The following HIBADH variants were observed in gnomAD, a reference collection of about 807,000 sequenced individuals.
The protein encoded by HIBADH is 3-hydroxyisobutyrate dehydrogenase, also known as 3-hydroxyisobutyrate dehydrogenase, mitochondrial.
In HIBADH, 25 loss-of-function variants were observed where a neutral mutation model predicts 36.1. That is an observed-to-expected ratio of 0.69 (90% CI 0.50 to 0.97). The LOEUF is 0.97. Ranked by LOEUF, HIBADH falls within the 50% of genes least tolerant of loss-of-function variation. The pLI, the probability that HIBADH is intolerant of heterozygous loss-of-function variation, is 0.00. For synonymous variants in HIBADH, 160 were observed against 149.5 expected (o/e 1.07, Z -0.51); for missense variants, 421 against 418.0 (o/e 1.01, Z -0.06).
intron 4 of HIBADH, among the ~76,000 whole-genome samples, chr7:27,554,352 T>C (rs1286138493): frequency 6.6e-6 from 1 of 152,234 alleles, no homozygotes; most frequent in Non-Finnish European, 1.5e-5. Context: ...ATTATGTCCT[T>C]CTATTTTACT....
rs141909684 is a variant in HIBADH at position 27,631,241 on chromosome 7, T to A, written c.362+1095A>T. ...AGGCTAGGTAACAGGACAGCTAGGA[T>A]GCCTCTGGACCACACACACTGTGGC... On this transcript the variant is annotated intron_variant, in intron 3 of 7. Transcript: ENST00000265395. Among the ~76,000 whole-genome samples, 6 of 152,344 alleles carry A rather than the reference T, an allele frequency of 3.9e-5. No homozygotes were observed. In the East Asian group the frequency reaches 1.2e-3, roughly 29 times the overall value.
chr7:27,567,440 C>T lies in HIBADH; in HGVS notation c.485-24340G>A, dbSNP rs149131413. 5.7e-3 allele frequency among the ~76,000 whole-genome samples: 872 copies of T among 152,126 alleles called. 5 individuals are homozygous for T. The highest frequency in any genetic ancestry group is 0.021 in the Middle Eastern group (6 of 292). On this transcript the variant is annotated intron_variant, in intron 4 of 7. Coordinates refer to ENST00000265395, the MANE Select transcript of HIBADH (RefSeq NM_152740.4). ...TTTTTTAAATCCAATCTGATAATAT[C>T]GTGCCTTTTAGTTGGTGTATTTAGG...
intron 4 of HIBADH, among the ~76,000 whole-genome samples, chr7:27,559,724 T>C (rs554297926): frequency 4.3e-4 from 66 of 152,308 alleles, no homozygotes; most frequent in Non-Finnish European, 8.2e-4. Flanking sequence ...GACAGGATTT[T>C]CTATTTCTGA....
chr7:27,549,410 C>A (rs573784894), intron 4 of HIBADH, among the ~76,000 whole-genome samples: 2 of 151,788 alleles, frequency 1.3e-5, no homozygotes, highest in Non-Finnish European at 2.9e-5. Flanking sequence ...AAAATGAAAT[C>A]GAATTTTCAA....
At chr7:27,654,114 CAGA>C (rs1470967971) in intron 1 of HIBADH, among the ~76,000 whole-genome samples, 1 of 151,640 alleles carries the variant, frequency 6.6e-6, no homozygotes, top group East Asian at 1.9e-4. Flanking sequence ...AAAATTATAC[CAGA>C]AGATTAACTG....
At chr7:27,570,668 A>T (rs1160475675) in intron 4 of HIBADH, among the ~76,000 whole-genome samples, 1 of 151,690 alleles carries the variant, frequency 6.6e-6, no homozygotes, top group Non-Finnish European at 1.5e-5. Flanking sequence ...CAAACAGGTA[A>T]ATTTTACTGT....
chr7:27,530,946 A>G (rs951027190), intron 7 of HIBADH, among the ~76,000 whole-genome samples: 5 of 151,946 alleles, frequency 3.3e-5, no homozygotes, highest in South Asian at 2.1e-4. Flanking sequence ...ACACACACAC[A>G]CGCACACACA....
chr7:27,563,567 G>T (rs528868596), intron 4 of HIBADH, among the ~76,000 whole-genome samples: 2 of 152,208 alleles, frequency 1.3e-5, no homozygotes. Flanking sequence ...TTAAACTGTT[G>T]TATTTTAAAA....
intron 4 of HIBADH, among the ~76,000 whole-genome samples, chr7:27,555,130 T>A (rs954634339): frequency 1.3e-5 from 2 of 152,014 alleles, no homozygotes; most frequent in Non-Finnish European, 2.9e-5. Context: ...AGTTTAAAAA[T>A]TATTTTATTT....
chr7:27,537,001 CA>C (rs1478343103), intron 6 of HIBADH, among the ~76,000 whole-genome samples: 1 of 152,130 alleles, frequency 6.6e-6, no homozygotes, highest in East Asian at 1.9e-4. Flanking sequence ...ATTTATGTTC[CA>C]GAAATGTACA....
intron 1 of HIBADH, among the ~76,000 whole-genome samples, chr7:27,660,471 G>A (rs1786392786): frequency 1.3e-5 from 2 of 152,208 alleles, no homozygotes; most frequent in Admixed American, 6.5e-5. Context: ...AGACCATCCT[G>A]GCTAACATGG....
intron 4 of HIBADH, among the ~76,000 whole-genome samples, chr7:27,593,419 T>C (rs1419128966): frequency 6.6e-6 from 1 of 152,138 alleles, no homozygotes; most frequent in Non-Finnish European, 1.5e-5. Flanking sequence ...TTGCTCACTT[T>C]CCAGGGCCAA....
At chr7:27,603,922 A>G (rs755026041) in intron 4 of HIBADH, among the ~76,000 whole-genome samples, 7 of 152,150 alleles carry the variant, frequency 4.6e-5, no homozygotes, top group Non-Finnish European at 8.8e-5. Flanking sequence ...TACTTTCTGT[A>G]GTACTTTCTC....
intron 4 of HIBADH, among the ~76,000 whole-genome samples, chr7:27,626,693 T>C (rs1359973594): frequency 6.6e-6 from 1 of 152,106 alleles, no homozygotes; most frequent in African/African-American, 2.4e-5. Flanking sequence ...TTCATCTGAG[T>C]TTTTTAAAAA....
intron 1 of HIBADH, among the ~76,000 whole-genome samples, chr7:27,656,718 G>A (rs1022876944): frequency 5.9e-5 from 9 of 152,140 alleles, no homozygotes; most frequent in African/African-American, 2.2e-4. Context: ...TTTTTACCAT[G>A]AGCATGTAAC....
At chr7:27,551,768 A>G (rs1784322656) in intron 4 of HIBADH, among the ~76,000 whole-genome samples, 1 of 152,232 alleles carries the variant, frequency 6.6e-6, no homozygotes, top group Non-Finnish European at 1.5e-5. Flanking sequence ...AAGCACTTCC[A>G]TTGATATATA....
At chr7:27,532,491 A>G (rs1015578476) in intron 6 of HIBADH, among the ~76,000 whole-genome samples, 1 of 152,214 alleles carries the variant, frequency 6.6e-6, no homozygotes, top group Admixed American at 6.5e-5. Context: ...ATGGCCAATA[A>G]AACATTTTTT....
At chr7:27,563,904 T>TC (rs1474973775) in intron 4 of HIBADH, among the ~76,000 whole-genome samples, 2 of 148,730 alleles carry the variant, frequency 1.3e-5, no homozygotes, top group East Asian at 3.9e-4. Flanking sequence ...AATTTTCTTT[T>TC]TTTTTTTTTT....
intron 4 of HIBADH, among the ~76,000 whole-genome samples, chr7:27,562,166 A>G (rs377523699): frequency 6.6e-6 from 1 of 151,810 alleles, no homozygotes; most frequent in Non-Finnish European, 1.5e-5. Context: ...TGTTTTTTAA[A>G]TTGATTCAGG....
Sources: allele counts gnomAD v4.1 joint callset (sites outside exome capture counted in the v4.1 genomes callset), GRCh38; gene constraint gnomAD v4.1.1; transcripts MANE v1.5; gene names NCBI Gene and HGNC (gene_info 2026-07-23, HGNC 2026-07-21).